Variants in CMIP observed in about 807,000 individuals in gnomAD.
CMIP encodes the protein C-Maf-inducing protein.
A neutral mutation model predicts 97.3 loss-of-function variants in CMIP; 13 were observed. The observed-to-expected ratio is 0.13, with a 90% confidence interval of 0.09 to 0.21. CMIP has a LOEUF of 0.21. Ranked by LOEUF, CMIP falls within the 10% of genes least tolerant of loss-of-function variation. CMIP has a pLI of 1.00. For missense variants in CMIP, 847 were observed against 1,024.9 expected (o/e 0.83, Z 2.37); for synonymous variants, 538 against 436.3 (o/e 1.23, Z -2.91).
intron 9 of CMIP, among the ~76,000 whole-genome samples, chr16:81,674,668 C>T (rs1451427660): frequency 1.3e-5 from 2 of 152,172 alleles, no homozygotes; most frequent in Non-Finnish European, 2.9e-5. Flanking sequence ...TCACTACAGC[C>T]TCCACCTCCT....
At chr16:81,663,717 G>A (rs956019176) in intron 6 of CMIP, among the ~76,000 whole-genome samples, 2 of 152,150 alleles carry the variant, frequency 1.3e-5, no homozygotes, top group Non-Finnish European at 2.9e-5. Context: ...TACACCGCAC[G>A]GTCCTTTGGG....
Position 81,670,245 on chromosome 16 carries a change from G to C in CMIP, c.929G>C (p.Ser310Thr). 6.2e-7 allele frequency: 1 copy of C among 1,608,350 alleles called. No individual in the cohort carries two copies. The highest frequency in any genetic ancestry group is 8.5e-7 in the Non-Finnish European group (1 of 1,177,402). ...GMEVVKKFIQ[S>T]MHGPTGHCPH... ...GAAGTGGTGAAGAAGTTCATTCAGA[G>C]GTGGGTCTCCGGCGCGACGTCCCTC... Residue 310 changes from serine (S) to threonine (T), a missense_variant and splice_region_variant, in exon 8 of 21, where the codon AGC becomes ACC. This residue lies in a region of CMIP where 285 missense variants were observed against 392.2 expected (regional missense o/e 0.73). Coordinates refer to ENST00000537098, the MANE Select transcript of CMIP (RefSeq NM_198390.3).
chr16:81,645,813 C>T, intron 3 of CMIP: 1 of 595,204 alleles, frequency 1.7e-6, no homozygotes. Flanking sequence ...TGCTGTTTAG[C>T]CAGGAACTGA....
At chr16:81,537,351 A>G (rs1336359885) in intron 1 of CMIP, among the ~76,000 whole-genome samples, 6 of 152,026 alleles carry the variant, frequency 3.9e-5, no homozygotes, top group African/African-American at 1.2e-4. Flanking sequence ...GCTGGCCAAC[A>G]TGGTAAAACC....
At chr16:81,678,229 T>C in intron 9 of CMIP, 46 bp from the exon 10 acceptor site, 2 of 1,442,888 alleles carry the variant, frequency 1.4e-6, no homozygotes, top group African/African-American at 2.8e-5. Flanking sequence ...TGGTGCATCA[T>C]GAACGGTGCC....
At chr16:81,560,194 T>A (rs1456077774) in intron 1 of CMIP, among the ~76,000 whole-genome samples, 3 of 125,826 alleles carry the variant, frequency 2.4e-5, no homozygotes, top group Non-Finnish European at 5.5e-5. Flanking sequence ...TTTTTTTGGT[T>A]TTGTTTTGTT....
At chr16:81,517,965 G>A (rs1273802116) in intron 1 of CMIP, 4 of 969,898 alleles carry the variant, frequency 4.1e-6, no homozygotes, top group Non-Finnish European at 4.9e-6. Context: ...GCCAGTGGAT[G>A]TGTGGAATTT....
At chr16:81,613,720 A>T (rs950535232) in intron 2 of CMIP, among the ~76,000 whole-genome samples, 3 of 152,182 alleles carry the variant, frequency 2.0e-5, no homozygotes, top group Admixed American at 2.0e-4. Context: ...AGTTCTTTTG[A>T]AGGTCTGTTG....
chr16:81,573,446 C>A lies in CMIP; in HGVS notation c.301-34121C>A, dbSNP rs117976791. Among the ~76,000 whole-genome samples, 258 of 152,096 alleles carry A rather than the reference C, an allele frequency of 1.7e-3. 5 individuals are homozygous for A. In the East Asian group the frequency reaches 0.047, roughly 28 times the overall value. On this transcript the variant is annotated intron_variant, in intron 1 of 20. Transcript: ENST00000537098. ...ACCCTTTTAATAAGGAAAGGTATAC[C>A]CTGCTATTCCTCATTTAAGGTTTTG...
chr16:81,451,250 T>A (rs889028108), intron 1 of CMIP, among the ~76,000 whole-genome samples: 1 of 152,142 alleles, frequency 6.6e-6, no homozygotes, highest in Non-Finnish European at 1.5e-5. Context: ...AGTGAATAAG[T>A]CTCACGAGAT....
chr16:81,608,318 A>C (rs2091777282), intron 2 of CMIP, among the ~76,000 whole-genome samples: 1 of 152,102 alleles, frequency 6.6e-6, no homozygotes, highest in South Asian at 2.1e-4. Flanking sequence ...GCATTGCTGG[A>C]TCCGGGGGTC....
intron 10 of CMIP, among the ~76,000 whole-genome samples, chr16:81,691,097 C>G (rs1906009350): frequency 6.6e-6 from 1 of 152,220 alleles, no homozygotes; most frequent in Admixed American, 6.5e-5. Flanking sequence ...GGGTCCCAGC[C>G]TAAGCCCCCT....
chr16:81,643,842 T>TC (rs2092333711), intron 3 of CMIP, among the ~76,000 whole-genome samples: 1 of 152,110 alleles, frequency 6.6e-6, no homozygotes, highest in Non-Finnish European at 1.5e-5. Flanking sequence ...GGTGTGTGGA[T>TC]TTTACCTCAA....
intron 1 of CMIP, among the ~76,000 whole-genome samples, chr16:81,547,054 A>G (rs1247419569): frequency 6.6e-6 from 1 of 152,140 alleles, no homozygotes; most frequent in East Asian, 1.9e-4. Flanking sequence ...AGTACAGGGC[A>G]GTCTGGGCTG....
intron 1 of CMIP, among the ~76,000 whole-genome samples, chr16:81,588,609 C>T (rs2091419866): frequency 6.6e-6 from 1 of 152,132 alleles, no homozygotes; most frequent in Non-Finnish European, 1.5e-5. Context: ...CAAAACCCAA[C>T]ATCCTCGTTC....
chr16:81,550,691 A>T (rs1040651540), intron 1 of CMIP, among the ~76,000 whole-genome samples: 1 of 152,152 alleles, frequency 6.6e-6, no homozygotes, highest in African/African-American at 2.4e-5. Flanking sequence ...TAGAAGGCTG[A>T]AGTCAGGGGC....
At chr16:81,590,637 A>T (rs545742784) in intron 1 of CMIP, among the ~76,000 whole-genome samples, 1 of 152,352 alleles carries the variant, frequency 6.6e-6, no homozygotes, top group East Asian at 1.9e-4. Context: ...GAACTTAGGG[A>T]TTGGGTTAAG....
chr16:81,530,235 C>T (rs2090206399), intron 1 of CMIP, among the ~76,000 whole-genome samples: 1 of 152,152 alleles, frequency 6.6e-6, no homozygotes, highest in Non-Finnish European at 1.5e-5. Flanking sequence ...GAGGCTCCAG[C>T]CTTCTTACTA....
Position 81,584,346 on chromosome 16 carries a change from C to T in CMIP, c.301-23221C>T, listed in dbSNP as rs903161953. On this transcript the variant is annotated intron_variant, in intron 1 of 20. Coordinates refer to ENST00000537098, the MANE Select transcript of CMIP (RefSeq NM_198390.3). The stretch of plus-strand genomic sequence containing the variant: ...CTTCGATGTCCTCCAGCAAGCACTC[C>T]GTAAATATTTGATGAATGAATAAAC... 5.3e-5 allele frequency among the ~76,000 whole-genome samples: 8 copies of T among 152,236 alleles called. No individual in the cohort carries two copies. The South Asian group carries it at 6.2e-4, about 12-fold the overall frequency.
Sources: allele counts gnomAD v4.1 joint callset (sites outside exome capture counted in the v4.1 genomes callset), GRCh38; gene constraint gnomAD v4.1.1; regional missense constraint gnomAD v4.1.1; transcripts MANE v1.5; gene names NCBI Gene and HGNC (gene_info 2026-07-23, HGNC 2026-07-21).